Variants in ITFG1 observed in about 807,000 individuals in gnomAD.
The protein encoded by ITFG1 is integrin alpha FG-GAP repeat containing 1, also known as T-cell immunomodulatory protein.
ITFG1 carries 34 observed loss-of-function variants against 81.8 expected under a neutral mutation model. The ratio of observed to expected loss-of-function variants is 0.42; its 90% CI spans 0.32 to 0.55. The LOEUF (loss-of-function observed/expected upper bound fraction) is 0.55, where lower values mean the gene tolerates loss of function less well. ITFG1 is among the 20% of genes least tolerant of loss of function. The pLI is 0.17. For missense variants in ITFG1, 672 were observed against 755.4 expected (o/e 0.89, Z 1.29); for synonymous variants, 285 against 270.6 (o/e 1.05, Z -0.52).
chr16:47,186,321 A>C (rs1965214959), intron 14 of ITFG1, among the ~76,000 whole-genome samples: 2 of 152,220 alleles, frequency 1.3e-5, no homozygotes, highest in Admixed American at 6.5e-5. Context: ...AGAGAATTTT[A>C]GACCAATATC....
At chr16:47,302,063 G>A (rs910809274) in intron 10 of ITFG1, among the ~76,000 whole-genome samples, 14 of 152,064 alleles carry the variant, frequency 9.2e-5, no homozygotes, top group African/African-American at 3.4e-4. Context: ...TGTTTCTGAG[G>A]TTTCTGATTA....
chr16:47,394,383 C>T (rs1466264344), intron 6 of ITFG1, among the ~76,000 whole-genome samples: 1 of 152,168 alleles, frequency 6.6e-6, no homozygotes, highest in Non-Finnish European at 1.5e-5. Flanking sequence ...CTCACTTTGC[C>T]TTCCTGGTAG....
chr16:47,190,641 T>C (rs1309872784), intron 14 of ITFG1, among the ~76,000 whole-genome samples: 1 of 152,228 alleles, frequency 6.6e-6, no homozygotes, highest in Non-Finnish European at 1.5e-5. Context: ...TTCCCGAACA[T>C]ATGTCTTTAT....
chr16:47,406,886 C>T (rs540713060), intron 6 of ITFG1, among the ~76,000 whole-genome samples: 32 of 152,098 alleles, frequency 2.1e-4, no homozygotes, highest in Non-Finnish European at 3.2e-4. Context: ...TCTGGATATC[C>T]GCAGGAATAA....
At chr16:47,380,120 G>A (rs569589284) in intron 6 of ITFG1, among the ~76,000 whole-genome samples, 1 of 150,294 alleles carries the variant, frequency 6.7e-6, no homozygotes, top group South Asian at 2.1e-4. Flanking sequence ...TGACCAGTAA[G>A]AGCAGAAGAA....
At chr16:47,294,723 A>G (rs1418732861) in intron 10 of ITFG1, among the ~76,000 whole-genome samples, 1 of 152,072 alleles carries the variant, frequency 6.6e-6, no homozygotes, top group East Asian at 1.9e-4. Context: ...TCTTGTAACT[A>G]TACTAGATTT....
intron 8 of ITFG1, among the ~76,000 whole-genome samples, chr16:47,351,267 AATTGTC>A: frequency 1.3e-5 from 2 of 152,224 alleles, no homozygotes; most frequent in Non-Finnish European, 2.9e-5. Flanking sequence ...GAGGAAGTCG[AATTGTC>A]CCTGTTTGCA....
At chr16:47,421,815 C>T (rs1968953841) in intron 6 of ITFG1, among the ~76,000 whole-genome samples, 1 of 152,154 alleles carries the variant, frequency 6.6e-6, no homozygotes, top group African/African-American at 2.4e-5. Flanking sequence ...TCTCCTAATG[C>T]TATACCTCCC....
At chr16:47,264,811 AAAC>A (rs1966257174) in intron 10 of ITFG1, among the ~76,000 whole-genome samples, 1 of 152,176 alleles carries the variant, frequency 6.6e-6, no homozygotes. Flanking sequence ...AAGAGCTTAA[AAAC>A]AACTTCATTC....
At chr16:47,241,477 A>G (rs1965933069) in intron 12 of ITFG1, among the ~76,000 whole-genome samples, 2 of 152,256 alleles carry the variant, frequency 1.3e-5, no homozygotes, top group Admixed American at 1.3e-4. Flanking sequence ...TAAAAGGAAT[A>G]AAGTACTGAC....
chr16:47,311,437 G>C, intron 9 of ITFG1, 25 bp from the exon 10 acceptor site: 1 of 1,515,530 alleles, frequency 6.6e-7, no homozygotes, highest in African/African-American at 1.4e-5. Context: ...AAAAAGATCA[G>C]ACTTTATAGT....
At chr16:47,352,494 C>G (rs950440295) in intron 8 of ITFG1, among the ~76,000 whole-genome samples, 10 of 152,172 alleles carry the variant, frequency 6.6e-5, no homozygotes, top group Non-Finnish European at 8.8e-5. Flanking sequence ...AAATGCAAAT[C>G]AAAACCACAT....
chr16:47,434,284 G>C (rs1435276439), intron 5 of ITFG1, among the ~76,000 whole-genome samples: 1 of 151,274 alleles, frequency 6.6e-6, no homozygotes, highest in African/African-American at 2.4e-5. Context: ...TACAGAATGG[G>C]ATAAAATGTT....
chr16:47,411,382 G>A (rs1277926954), intron 6 of ITFG1, among the ~76,000 whole-genome samples: 1 of 152,138 alleles, frequency 6.6e-6, no homozygotes, highest in Non-Finnish European at 1.5e-5. Context: ...GCTGGTTGGG[G>A]CAGATACCGG....
At chr16:47,185,286 C>T (rs1418916222) in intron 14 of ITFG1, among the ~76,000 whole-genome samples, 3 of 152,226 alleles carry the variant, frequency 2.0e-5, no homozygotes, top group South Asian at 2.1e-4. Context: ...ACCTAATAGA[C>T]AGCTACAGAA....
chr16:47,261,447 A>G (rs1384828355), intron 10 of ITFG1, among the ~76,000 whole-genome samples: 2 of 152,350 alleles, frequency 1.3e-5, no homozygotes, highest in South Asian at 2.1e-4. Context: ...TTAGTACTCA[A>G]TGAAAGTGTT....
At position 47,155,607 on chromosome 16, in the gene ITFG1, TG is replaced by T; in HGVS notation, c.*111del. On this transcript the variant is annotated 3_prime_UTR_variant, in exon 18 of 18. Coordinates refer to ENST00000320640, the MANE Select transcript of ITFG1 (RefSeq NM_030790.5). ...TTTGAATACTTTCCAATAATTACCA[TG>T]GGATACATCATTTATAAATAATATT... 1 of 707,956 alleles carries T rather than the reference TG, an allele frequency of 1.4e-6. No homozygotes were observed. Among genetic ancestry groups the T allele is most frequent in the Non-Finnish European group, 2.4e-6 (1 of 412,894 alleles). The allele number at this position is 707,956 out of a possible 1,614,324, so 43.9% of individuals were successfully genotyped here. A position where few individuals can be genotyped will look rare whatever the true frequency, so the allele number is the denominator to read the frequency against.
At chr16:47,173,963 C>T (rs1964991664) in intron 14 of ITFG1, among the ~76,000 whole-genome samples, 1 of 152,166 alleles carries the variant, frequency 6.6e-6, no homozygotes, top group African/African-American at 2.4e-5. Flanking sequence ...TCACTTGAAC[C>T]AGGGAGGTGG....
intron 6 of ITFG1, among the ~76,000 whole-genome samples, chr16:47,406,841 A>C (rs1053819302): frequency 6.6e-6 from 1 of 152,240 alleles, no homozygotes; most frequent in Non-Finnish European, 1.5e-5. Flanking sequence ...TGAAGAAGGT[A>C]AAGTATATTT....
Sources: gnomAD v4.1 joint callset for allele counts (sites outside exome capture counted in the v4.1 genomes callset) on GRCh38, gnomAD v4.1.1 for gene constraint, MANE v1.5 for transcripts, NCBI Gene and HGNC (gene_info 2026-07-23, HGNC 2026-07-21) for gene names.